Variants in MTARC1 observed in about 807,000 individuals in gnomAD.
MTARC1 encodes the protein mitochondrial amidoxime reducing component 1, also known as mitochondrial amidoxime-reducing component 1.
In MTARC1, 24 loss-of-function variants were observed where a neutral mutation model predicts 33.6. The ratio of observed to expected loss-of-function variants is 0.72; its 90% CI spans 0.52 to 1.01. MTARC1 has a LOEUF of 1.01. MTARC1 is among the 50% of genes least tolerant of loss of function. The pLI is 0.00. For synonymous variants in MTARC1, 187 were observed against 189.5 expected (o/e 0.99, Z 0.11); for missense variants, 417 against 445.7 (o/e 0.94, Z 0.58).
At chr1:220,800,640 C>A (rs1672764967) in intron 4 of MTARC1, among the ~76,000 whole-genome samples, 1 of 151,914 alleles carries the variant, frequency 6.6e-6, no homozygotes, top group African/African-American at 2.4e-5. Flanking sequence ...GCCCTGAGGA[C>A]CCCTAACTAT....
chr1:220,798,572 A>T, intron 4 of MTARC1: 5 of 985,396 alleles, frequency 5.1e-6, no homozygotes, highest in Non-Finnish European at 6.0e-6. Context: ...GGGATTCCAC[A>T]GGATTCTGGC....
chr1:220,799,282 G>C (rs570173113), intron 4 of MTARC1: 50 of 679,556 alleles, frequency 7.4e-5, no homozygotes, highest in Admixed American at 3.1e-4. Context: ...GTGTGAGGCG[G>C]GTGGACTGTG....
chr1:220,798,359 G>A, intron 4 of MTARC1: 2 of 1,204,208 alleles, frequency 1.7e-6, no homozygotes. Flanking sequence ...CTCCTGTCTT[G>A]TTAAAGGATG....
intron 4 of MTARC1, among the ~76,000 whole-genome samples, chr1:220,802,626 C>T (rs1288865133): frequency 6.6e-6 from 1 of 152,242 alleles, no homozygotes; most frequent in East Asian, 1.9e-4. Flanking sequence ...GCCACTGCGC[C>T]TGGCCCCCAA....
intron 2 of MTARC1, among the ~76,000 whole-genome samples, chr1:220,792,268 C>T (rs975770939): frequency 6.6e-6 from 1 of 152,162 alleles, no homozygotes; most frequent in South Asian, 2.1e-4. Context: ...CAAGCCCTTC[C>T]CTCAACATCA....
chr1:220,811,789 CA>C (rs1166394409), intron 6 of MTARC1, among the ~76,000 whole-genome samples: 1 of 152,174 alleles, frequency 6.6e-6, no homozygotes, highest in East Asian at 1.9e-4. Flanking sequence ...TTCTGCTGGA[CA>C]AAAATATTCA....
Position 220,813,449 on chromosome 1 carries a change from C to A in MTARC1, c.*31C>A. ...ACCGTATGTCCTGGAATATTAGATGCCTTTTAAAAATGTTCTCAAAAATGA... is the reference window on the plus strand; with the variant it reads ...ACCGTATGTCCTGGAATATTAGATGACTTTTAAAAATGTTCTCAAAAATGA... On this transcript the variant is annotated 3_prime_UTR_variant, in exon 7 of 7. Coordinates refer to ENST00000366910, the MANE Select transcript of MTARC1 (RefSeq NM_022746.4). 6.2e-7 allele frequency: 1 copy of A among 1,609,670 alleles called. No individual in the cohort carries two copies. Among genetic ancestry groups the A allele is most frequent in the Non-Finnish European group, 8.5e-7 (1 of 1,176,864 alleles).
At chr1:220,805,322 C>T (rs772590470) in intron 6 of MTARC1, 48 bp downstream of exon 6, 8 of 1,597,140 alleles carry the variant, frequency 5.0e-6, no homozygotes, top group Middle Eastern at 2.3e-4. Context: ...GTGCCGGGAA[C>T]GGAAGCAATA....
In MTARC1 at chr1:220,809,218, G is replaced by A. The variant is rs114463593; in HGVS notation, c.887+3944G>A. ...TTCTTTATTGGTATAAACTGGACTT[G>A]TAATACCTCTTCTGGTAGACTGGAA... On this transcript the variant is annotated intron_variant, in intron 6 of 6. Coordinates refer to ENST00000366910, the MANE Select transcript of MTARC1 (RefSeq NM_022746.4). 2.8e-3 allele frequency among the ~76,000 whole-genome samples: 420 copies of A among 152,292 alleles called. 1 individual carries two copies. Among genetic ancestry groups the A allele is most frequent in the African/African-American group, 9.9e-3 (411 of 41,562 alleles).
intron 1 of MTARC1, among the ~76,000 whole-genome samples, chr1:220,790,755 T>C (rs1019594505): frequency 6.6e-6 from 1 of 152,234 alleles, no homozygotes; most frequent in Non-Finnish European, 1.5e-5. Context: ...AATGCCAATA[T>C]GTTTTGCTTC....
intron 6 of MTARC1, 117 bp downstream of exon 6, chr1:220,805,391 A>T: frequency 2.8e-6 from 3 of 1,072,972 alleles, no homozygotes; most frequent in Non-Finnish European, 4.2e-6. Context: ...TAGTCTTGAA[A>T]CTCAAGAGGG....
chr1:220,808,201 G>A (rs1333154053), intron 6 of MTARC1, among the ~76,000 whole-genome samples: 1 of 152,172 alleles, frequency 6.6e-6, no homozygotes, highest in Admixed American at 6.5e-5. Context: ...CTTGTTCTCT[G>A]CATCTTCAGT....
chr1:220,798,302 C>A, intron 4 of MTARC1: 1 of 1,300,934 alleles, frequency 7.7e-7, no homozygotes. Flanking sequence ...CATTTTCTTG[C>A]ATAGACTACA....
At chr1:220,803,092 T>C (rs1672865638) in intron 4 of MTARC1, among the ~76,000 whole-genome samples, 1 of 152,112 alleles carries the variant, frequency 6.6e-6, no homozygotes, top group Non-Finnish European at 1.5e-5. Flanking sequence ...CGAGACTGGG[T>C]AATTTATAAA....
chr1:220,810,393 C>G (rs1007563498), intron 6 of MTARC1, among the ~76,000 whole-genome samples: 4 of 152,136 alleles, frequency 2.6e-5, no homozygotes, highest in Non-Finnish European at 4.4e-5. Context: ...GGAGGTGGTG[C>G]AGGAGGCGGT....
chr1:220,795,896 C>T (rs952972361), intron 2 of MTARC1, among the ~76,000 whole-genome samples: 8 of 151,974 alleles, frequency 5.3e-5, no homozygotes, highest in African/African-American at 1.9e-4. Context: ...AATGCTATAC[C>T]CAGGTGCCAT....
intron 2 of MTARC1, chr1:220,793,406 C>T (rs1450506771): frequency 6.6e-6 from 1 of 152,174 alleles, no homozygotes; most frequent in African/African-American, 2.4e-5. Flanking sequence ...AAAGACTAAA[C>T]AAGGGCATGC....
At position 220,791,635 on chromosome 1, in the gene MTARC1, G is replaced by T. The variant is rs563243555; in HGVS notation, c.420G>T (p.Thr140=). The change falls in exon 2 of 7, where the codon ACG becomes ACT. Residue 140 remains threonine, a synonymous_variant. Transcript: ENST00000366910. ...AGGACCTACTACTGCCTATCAAAAC[G>T]CCCACCACAAATGCAGTGCACAAGT... ...YTKDLLLPIK[T]PTTNAVHKCR... 3.1e-6 allele frequency: 5 copies of T among 1,613,944 alleles called. No individual in the cohort carries two copies. Among genetic ancestry groups the T allele is most frequent in the Non-Finnish European group, 4.2e-6 (5 of 1,180,000 alleles).
chr1:220,787,224 G>A lies in MTARC1; in HGVS notation c.275+5G>A. 1.3e-6 allele frequency: 2 copies of A among 1,561,582 alleles called. No homozygotes were observed. Among genetic ancestry groups the A allele is most frequent in the Non-Finnish European group, 8.7e-7 (1 of 1,154,920 alleles). ...CAGCGGCAACCTGCGGGACAGGTAC[G>A]GCCAAGCGCCGGCGCGGGGCAGCGC... is the stretch of plus-strand genomic sequence containing the variant. On this transcript the variant is annotated splice_donor_5th_base_variant and intron_variant, in intron 1 of 6. Coordinates refer to ENST00000366910, the MANE Select transcript of MTARC1 (RefSeq NM_022746.4).
Sources: allele counts gnomAD v4.1 joint callset (sites outside exome capture counted in the v4.1 genomes callset), GRCh38; gene constraint gnomAD v4.1.1; transcripts MANE v1.5; gene names NCBI Gene and HGNC (gene_info 2026-07-23, HGNC 2026-07-21).